AASDH: variants seen among roughly 807,000 people sequenced by gnomAD.
AASDH encodes the protein beta-alanine-activating enzyme.
A neutral mutation model predicts 102.3 loss-of-function variants in AASDH; 81 were observed. The ratio of observed to expected loss-of-function variants is 0.79; its 90% CI spans 0.66 to 0.95. The LOEUF (loss-of-function observed/expected upper bound fraction) is 0.95, where lower values mean the gene tolerates loss of function less well. Ranked by LOEUF, AASDH falls within the 40% of genes least tolerant of loss-of-function variation. The probability of loss-of-function intolerance (pLI) is 0.00; values close to 1 mark genes in which losing one functional copy is unlikely to be tolerated. For missense variants in AASDH, 1,203 were observed against 1,266.2 expected (o/e 0.95, Z 0.76); for synonymous variants, 398 against 454.0 (o/e 0.88, Z 1.57).
At chr4:56,362,371 TC>T (rs1750408061) in intron 5 of AASDH, among the ~76,000 whole-genome samples, 1 of 152,144 alleles carries the variant, frequency 6.6e-6, no homozygotes, top group Admixed American at 6.5e-5. Context: ...TTCAAGAGAT[TC>T]CCCTGCCTCA....
At chr4:56,386,325 A>G (rs1368103433) in intron 1 of AASDH, among the ~76,000 whole-genome samples, 1 of 152,194 alleles carries the variant, frequency 6.6e-6, no homozygotes, top group Non-Finnish European at 1.5e-5. Context: ...GTACCTACAC[A>G]TCTATACGAT....
In AASDH at chr4:56,349,860, C is replaced by T. The variant is rs138653291; in HGVS notation, c.1891G>A (p.Val631Ile). ...CTGAATGTCACATCTTCATCTGGAA[C>T]CACTGTTTGAAGGATGTGATTATAA... ...EIYNHILQTV[V>I]PDEDVTFRKS... The change falls in exon 11 of 15, where the codon GTT becomes ATT. Residue 631 changes from valine to isoleucine, a missense_variant. Val to Ile is a conservative substitution (Grantham distance 29, BLOSUM62 3). Coordinates refer to ENST00000205214, the MANE Select transcript of AASDH (RefSeq NM_181806.4). The T allele has an allele frequency of 2.0e-4, 329 of 1,614,150 alleles. 3 individuals are homozygous for T. In the African/African-American group the frequency reaches 4.1e-3, roughly 20 times the overall value.
At chr4:56,371,788 G>T in intron 4 of AASDH, 145 bp from the exon 5 acceptor site, 2 of 684,296 alleles carry the variant, frequency 2.9e-6, no homozygotes, top group Non-Finnish European at 4.5e-6. Context: ...CCAAAATGGT[G>T]CTATCAAAAT....
intron 5 of AASDH, chr4:56,356,926 G>T: frequency 1.2e-6 from 1 of 835,456 alleles, no homozygotes; most frequent in South Asian, 1.4e-5. Flanking sequence ...CACTAAACTG[G>T]GTTAAATGTA....
At chr4:56,345,331 T>C (rs1748205905) in intron 11 of AASDH, 41 bp from the exon 12 acceptor site, 1 of 1,566,810 alleles carries the variant, frequency 6.4e-7, no homozygotes, top group African/African-American at 1.4e-5. Flanking sequence ...TATAGATATA[T>C]TACTGGAAAA....
rs569839064 is a variant in AASDH at position 56,368,515 on chromosome 4, T to C, written c.861+2936A>G. Among the ~76,000 whole-genome samples the C allele has an allele frequency of 7.2e-5, 11 of 152,024 alleles. No individual in the cohort carries two copies. In the South Asian group the frequency reaches 2.3e-3, roughly 32 times the overall value. On this transcript the variant is annotated intron_variant, in intron 5 of 14. Transcript: ENST00000205214. ...CTGGATTAAGAAAATGTGGCACATA[T>C]ACACCATGGAATACTATGCAGCCAT...
chr4:56,338,515 C>A lies in AASDH; in HGVS notation c.3184G>T (p.Glu1062Ter). The A allele has an allele frequency of 6.2e-7, 1 of 1,613,884 alleles. No individual in the cohort carries two copies. Among genetic ancestry groups the A allele is most frequent in the Non-Finnish European group, 8.5e-7 (1 of 1,179,970 alleles). Reference sequence around the variant, plus strand: ...GAAGAGAAGACTTCTCCAGGAAGTTCATAAACACTTTGCAATTGTCCACTC... The same window carrying A: ...GAAGAGAAGACTTCTCCAGGAAGTTAATAAACACTTTGCAATTGTCCACTC... ...SQSGQLQSVY[E>*]LPGEVFSSPV... The change falls in exon 15 of 15, where the codon GAA (glutamate) becomes TAA (stop). Residue 1062 changes from glutamate (E) to a stop codon, truncating the protein, a stop_gained. Coordinates refer to ENST00000205214, the MANE Select transcript of AASDH (RefSeq NM_181806.4). LOFTEE classifies it high-confidence loss of function.
At chr4:56,358,362 T>A (rs1167543019) in intron 5 of AASDH, among the ~76,000 whole-genome samples, 2 of 151,130 alleles carry the variant, frequency 1.3e-5, no homozygotes, top group Non-Finnish European at 2.9e-5. Context: ...TACCTTATTG[T>A]ACTGGCAAGA....
At chr4:56,344,211 G>A (rs1162924074) in intron 12 of AASDH, among the ~76,000 whole-genome samples, 1 of 152,048 alleles carries the variant, frequency 6.6e-6, no homozygotes, top group Admixed American at 6.6e-5. Flanking sequence ...TCTAAAAAAC[G>A]AATTTTATTG....
At chr4:56,351,549 T>C (rs1166258548) in intron 9 of AASDH, 92 bp from the exon 10 acceptor site, 2 of 697,544 alleles carry the variant, frequency 2.9e-6, no homozygotes, top group African/African-American at 3.6e-5. Flanking sequence ...ACATTTTTCT[T>C]TGTACAACAC....
chr4:56,354,074 G>T lies in AASDH; in HGVS notation c.1348C>A (p.His450Asn), dbSNP rs1749296017. ...LGRKDSQIKR[H>N]GKRLNIELVQ... Reference sequence around the variant, plus strand: ...AGTTCAATGTTAAGACGTTTGCCATGACGTTTGATCTGACTGTCTTTTCGT... The same window carrying T: ...AGTTCAATGTTAAGACGTTTGCCATTACGTTTGATCTGACTGTCTTTTCGT... Residue 450 changes from histidine to asparagine, a missense_variant, in exon 8 of 15, where the codon CAT (histidine) becomes AAT (asparagine). By Grantham distance (68) the His-to-Asn change is moderately conservative. Transcript: ENST00000205214. 1 of 1,611,840 alleles carries T rather than the reference G, an allele frequency of 6.2e-7. No homozygotes were observed. Among genetic ancestry groups the T allele is most frequent in the African/African-American group, 1.3e-5 (1 of 74,924 alleles).
At chr4:56,354,234 T>G (rs749543203) in intron 7 of AASDH, 23 bp from the exon 8 acceptor site, 1 of 1,501,352 alleles carries the variant, frequency 6.7e-7, no homozygotes, top group Non-Finnish European at 8.9e-7. Flanking sequence ...TAAACACCAA[T>G]GTCATAAAAA....
chr4:56,358,949 T>C (rs550918659), intron 5 of AASDH, among the ~76,000 whole-genome samples: 1 of 152,242 alleles, frequency 6.6e-6, no homozygotes. Context: ...GTTTTCAATT[T>C]TGTCCATTTT....
intron 13 of AASDH, among the ~76,000 whole-genome samples, chr4:56,343,340 AAACAAAC>A (rs767093604): frequency 8.0e-6 from 1 of 125,632 alleles, no homozygotes; most frequent in African/African-American, 2.9e-5. Context: ...CTCTGTCAAA[AAACAAAC>A]AAACAAACAA....
At chr4:56,365,195 A>G (rs1750836662) in intron 5 of AASDH, among the ~76,000 whole-genome samples, 1 of 152,118 alleles carries the variant, frequency 6.6e-6, no homozygotes, top group Admixed American at 6.6e-5. Flanking sequence ...TGCACCCAAT[A>G]CAGGAGCACC....
At chr4:56,378,565 G>A in intron 3 of AASDH, 101 bp from the exon 4 acceptor site, 2 of 1,062,884 alleles carry the variant, frequency 1.9e-6, no homozygotes, top group Non-Finnish European at 2.7e-6. Flanking sequence ...CAGTATCCTT[G>A]GGGGAATTGG....
At chr4:56,364,966 G>A (rs1457988553) in intron 5 of AASDH, among the ~76,000 whole-genome samples, 1 of 152,128 alleles carries the variant, frequency 6.6e-6, no homozygotes, top group East Asian at 1.9e-4. Context: ...GCTGTATTCA[G>A]GAAACTCATC....
intron 4 of AASDH, 44 bp from the exon 5 acceptor site, chr4:56,371,687 A>C (rs1427894725): frequency 2.0e-6 from 3 of 1,519,016 alleles, no homozygotes; most frequent in Non-Finnish European, 2.7e-6. Flanking sequence ...TCAAACATTC[A>C]GTAAGCACAT....
Position 56,378,091 on chromosome 4 carries a change from C to T in AASDH, c.668+57G>A, listed in dbSNP as rs188517000. ...AAAGTGCTGGGATTACAGGCATAAG[C>T]CACCACACCTGGCCTAAAATATAGA... is the stretch of plus-strand genomic sequence containing the variant. On this transcript the variant is annotated intron_variant, in intron 4 of 14. Coordinates refer to ENST00000205214, the MANE Select transcript of AASDH (RefSeq NM_181806.4). 55 of 1,503,422 alleles carry T rather than the reference C, an allele frequency of 3.7e-5. No individual in the cohort carries two copies. In the African/African-American group the frequency reaches 6.6e-4, roughly 18 times the overall value. The allele number at this position is 1,503,422 out of a possible 1,614,324, so 93.1% of individuals were successfully genotyped here.
Sources: allele counts gnomAD v4.1 joint callset (sites outside exome capture counted in the v4.1 genomes callset), GRCh38; gene constraint gnomAD v4.1.1; transcripts MANE v1.5; gene names NCBI Gene and HGNC (gene_info 2026-07-23, HGNC 2026-07-21).